SPATC1: variants seen among roughly 807,000 people sequenced by gnomAD.
SPATC1 encodes the protein spermatogenesis and centriole associated 1.
A neutral mutation model predicts 36.5 loss-of-function variants in SPATC1; 35 were observed. The observed-to-expected ratio is 0.96, with a 90% CI of 0.73 to 1.27. The LOEUF (loss-of-function observed/expected upper bound fraction) is 1.27, where lower values mean the gene tolerates loss of function less well. SPATC1 is among the 50% of genes most tolerant of loss of function. SPATC1 has a pLI of 0.00. For missense variants in SPATC1, 779 were observed against 796.0 expected (o/e 0.98, Z 0.26); for synonymous variants, 361 against 353.6 (o/e 1.02, Z -0.24).
At chr8:144,023,238 C>T (rs1268918986) in intron 1 of SPATC1, among the ~76,000 whole-genome samples, 73 of 44,312 alleles carry the variant, frequency 1.6e-3, no homozygotes, top group Non-Finnish European at 2.4e-3. Context: ...TACCCTCTTC[C>T]CTCAGGACCT....
chr8:144,042,697 C>G (rs542856668), intron 4 of SPATC1, among the ~76,000 whole-genome samples: 8 of 152,264 alleles, frequency 5.3e-5, no homozygotes, highest in Non-Finnish European at 1.5e-5. Flanking sequence ...CACAGAAGCT[C>G]ACTGCAGTGG....
At chr8:144,041,404 G>A (rs782259900) in intron 4 of SPATC1, 33 bp downstream of exon 4, 1 of 1,598,692 alleles carries the variant, frequency 6.3e-7, no homozygotes. Flanking sequence ...GGGACAGGGG[G>A]CAGGTTGGCC....
intron 1 of SPATC1, among the ~76,000 whole-genome samples, chr8:144,033,478 T>C (rs1834838771): frequency 6.6e-6 from 1 of 152,226 alleles, no homozygotes; most frequent in African/African-American, 2.4e-5. Flanking sequence ...TCATTAAGCA[T>C]TCCCCTGGTT....
At position 144,037,858 on chromosome 8, in the gene SPATC1, C is replaced by T. The variant is rs1167216549; in HGVS notation, c.212-2051C>T. Among the ~76,000 whole-genome samples, 74 of 151,502 alleles carry T rather than the reference C, an allele frequency of 4.9e-4. 1 individual carries two copies. Among genetic ancestry groups the T allele is most frequent in the African/African-American group, 1.6e-3 (68 of 41,308 alleles). Reference sequence around the variant, plus strand: ...AAAAAGAATGAATTTTGGCCGGGCTCGGTGGCCACGCCTGTAATCCCAGCA... The same window carrying T: ...AAAAAGAATGAATTTTGGCCGGGCTTGGTGGCCACGCCTGTAATCCCAGCA... On this transcript the variant is annotated intron_variant, in intron 1 of 4. Transcript: ENST00000377470.
chr8:144,040,723 G>A lies in SPATC1; in HGVS notation c.922G>A (p.Ala308Thr), dbSNP rs1835059407. The change falls in exon 3 of 5, where the codon GCC becomes ACC. Residue 308 changes from alanine (A) to threonine (T), a missense_variant. Coordinates refer to ENST00000377470, the MANE Select transcript of SPATC1 (RefSeq NM_198572.3). ...CTCCTTCAACACTTCGGACACACAG[G>A]CCCAGCCCAGTGCCGCCCAGGAACA... ...AFSFNTSDTQ[A>T]QPSAAQEQVV... 2.5e-6 allele frequency: 4 copies of A among 1,613,188 alleles called. No homozygotes were observed. Among genetic ancestry groups the A allele is most frequent in the Non-Finnish European group, 3.4e-6 (4 of 1,179,882 alleles).
In SPATC1 at chr8:144,012,731, G is replaced by C; in HGVS notation, c.211+5G>C. 1 of 1,551,688 alleles carries C rather than the reference G, an allele frequency of 6.4e-7. No homozygotes were observed. Among genetic ancestry groups the C allele is most frequent in the Non-Finnish European group, 8.7e-7 (1 of 1,146,982 alleles). ...TTTCCTCACGCCAGAACAATGGTAA[G>C]AGGCCTCGCTCCCAAGAGAGTGAGG... On this transcript the variant is annotated splice_donor_5th_base_variant and intron_variant, in intron 1 of 4. Transcript: ENST00000377470.
At position 144,039,935 on chromosome 8, in the gene SPATC1, G is replaced by C. The variant is rs191614050; in HGVS notation, c.238G>C (p.Val80Leu). Residue 80 changes from valine (V) to leucine (L), a missense_variant, in exon 2 of 5, where the codon GTG (valine) becomes CTG (leucine). Val to Leu is a conservative substitution (Grantham distance 32). Coordinates refer to ENST00000377470, the MANE Select transcript of SPATC1 (RefSeq NM_198572.3). ...TGTCTTCCTGCCCCCGTCCCCAGCA[G>C]TGGCAAACGAACGAGTCCTCGAAGA... Reference protein sequence around the residue: ...NGVFLPPSPAVANERVLEEVG... With the variant: ...NGVFLPPSPALANERVLEEVG... The C allele has an allele frequency of 5.7e-4, 921 of 1,613,894 alleles. 10 individuals carry two copies. The East Asian group carries it at 0.018, about 32-fold the overall frequency.
At chr8:144,029,198 GAACTAAAAAAAAA>G (rs1834745566) in intron 1 of SPATC1, among the ~76,000 whole-genome samples, 1 of 29,522 alleles carries the variant, frequency 3.4e-5, no homozygotes, top group African/African-American at 1.9e-4. Flanking sequence ...ATGTACCCCA[GAACTAAAAAAAAA>G]AAAAAAAAAA....
intron 1 of SPATC1, among the ~76,000 whole-genome samples, chr8:144,037,105 T>A (rs1834915948): frequency 8.8e-6 from 1 of 113,428 alleles, no homozygotes; most frequent in African/African-American, 3.3e-5. Flanking sequence ...GGCGGGGGGC[T>A]GACCCCCGCC....
rs73379137 is a variant in SPATC1 at position 144,046,494 on chromosome 8, G to A, written c.1447-133G>A. ...CTGTCCTAGATTCTTGAGGTCTGTCGCAGAACCTCCCCACCGCACACCCCT... is the reference window on the plus strand; with the variant it reads ...CTGTCCTAGATTCTTGAGGTCTGTCACAGAACCTCCCCACCGCACACCCCT... On this transcript the variant is annotated intron_variant, in intron 4 of 4. Transcript: ENST00000377470. This position sits in a 1 kb window ranked among gnomAD's most constrained non-coding sequence, Gnocchi z 6.6. 13,361 of 817,876 alleles carry A rather than the reference G, an allele frequency of 0.016. 1,268 individuals are homozygous for A. The African/African-American group carries it at 0.2, about 12-fold the overall frequency. 50.7% of individuals were successfully genotyped at this position (817,876 alleles called of 1,614,324 possible).
intron 1 of SPATC1, among the ~76,000 whole-genome samples, chr8:144,014,009 G>A (rs1554752801): frequency 6.6e-6 from 1 of 152,166 alleles, no homozygotes. Flanking sequence ...CCAGCACTTT[G>A]GGAGGCCAAG....
At chr8:144,025,533 A>C (rs2133117247) in intron 1 of SPATC1, among the ~76,000 whole-genome samples, 1 of 152,314 alleles carries the variant, frequency 6.6e-6, no homozygotes, top group Admixed American at 6.5e-5. Flanking sequence ...TTAAACACAA[A>C]TTATCAAAAG....
Position 144,046,992 on chromosome 8 carries a change from A to G in SPATC1, c.*36A>G. 3 of 1,573,602 alleles carry G rather than the reference A, an allele frequency of 1.9e-6. No homozygotes were observed. Among genetic ancestry groups the G allele is most frequent in the Non-Finnish European group, 2.6e-6 (3 of 1,166,096 alleles). On this transcript the variant is annotated 3_prime_UTR_variant, in exon 5 of 5. Coordinates refer to ENST00000377470, the MANE Select transcript of SPATC1 (RefSeq NM_198572.3). This position sits in a 1 kb window ranked among gnomAD's most constrained non-coding sequence, Gnocchi z 6.6. ...GGGAGGTCCAGGCTCGCTCAGCCCC[A>G]CAGCCCTGTGCACGGCCATTAAAGC...
intron 1 of SPATC1, among the ~76,000 whole-genome samples, chr8:144,035,935 C>G (rs1456934825): frequency 6.6e-6 from 1 of 152,200 alleles, no homozygotes; most frequent in Non-Finnish European, 1.5e-5. Context: ...GCAGGACAGA[C>G]AGCCGCACTC....
At chr8:144,020,658 C>A in intron 1 of SPATC1, among the ~76,000 whole-genome samples, 1 of 148,824 alleles carries the variant, frequency 6.7e-6, no homozygotes, top group Non-Finnish European at 1.5e-5. Context: ...CTTCAGGACC[C>A]TCCCCGCCAG....
upstream of SPATC1, among the ~76,000 whole-genome samples, chr8:144,011,941 G>A (rs527761461): frequency 4.1e-4 from 63 of 152,278 alleles, no homozygotes; most frequent in Non-Finnish European, 8.2e-4. This position sits in a 1 kb window ranked among gnomAD's most constrained non-coding sequence, Gnocchi z 4.5. Context: ...GCCAAACCCA[G>A]GCATGTTCAA....
chr8:144,012,847 T>C, intron 1 of SPATC1, 121 bp downstream of exon 1: 1 of 1,005,554 alleles, frequency 9.9e-7, no homozygotes, highest in South Asian at 1.5e-5. Context: ...TTGCCCTCTC[T>C]GCTCTAACAC....
Position 144,012,426 on chromosome 8 carries a change from C to T in SPATC1, c.-90C>T. 2 of 1,176,244 alleles carry T rather than the reference C, an allele frequency of 1.7e-6. No homozygotes were observed. Among genetic ancestry groups the T allele is most frequent in the Admixed American group, 2.1e-5 (1 of 47,678 alleles). 72.9% of individuals were successfully genotyped at this position (1,176,244 alleles called of 1,614,324 possible). On this transcript the variant is annotated 5_prime_UTR_variant, in exon 1 of 5. Transcript: ENST00000377470. ...GGGCCAGCCTTGCAGACTCTGCACC[C>T]TCCTTCAGCCCAGGCAAGGCCTGGG... is the stretch of plus-strand genomic sequence containing the variant.
chr8:144,022,894 G>C (rs1346673935), intron 1 of SPATC1, among the ~76,000 whole-genome samples: 3 of 137,184 alleles, frequency 2.2e-5, no homozygotes, highest in African/African-American at 8.4e-5. Context: ...CTCCTCTCTT[G>C]TGACCATCCC....
Sources: gnomAD v4.1 joint callset for allele counts (sites outside exome capture counted in the v4.1 genomes callset) on GRCh38, gnomAD v4.1.1 for gene constraint, Gnocchi (gnomAD v3.1) non-coding constraint, MANE v1.5 for transcripts, NCBI Gene and HGNC (gene_info 2026-07-23, HGNC 2026-07-21) for gene names.